Variants in CACNA2D1 observed in about 807,000 individuals in gnomAD.
The protein encoded by CACNA2D1 is voltage-dependent calcium channel subunit alpha-2/delta-1.
A neutral mutation model predicts 171.5 loss-of-function variants in CACNA2D1; 53 were observed. That is an observed-to-expected ratio of 0.31 (90% CI 0.25 to 0.39). CACNA2D1 has a LOEUF of 0.39. Ranked by LOEUF, CACNA2D1 falls within the 10% of genes least tolerant of loss-of-function variation. The pLI is 1.00. For missense variants in CACNA2D1, 903 were observed against 1,299.8 expected (o/e 0.69, Z 4.69); for synonymous variants, 442 against 443.1 (o/e 1.00, Z 0.03).
intron 4 of CACNA2D1, among the ~76,000 whole-genome samples, chr7:82,167,879 A>C (rs1349690590): frequency 6.6e-6 from 1 of 152,110 alleles, no homozygotes; most frequent in East Asian, 1.9e-4. Context: ...CATGGTGACC[A>C]CCATTTGCTA....
In CACNA2D1 at chr7:82,239,336, T is replaced by A. The variant is rs146802686; in HGVS notation, c.295-68727A>T. 7.2e-5 allele frequency among the ~76,000 whole-genome samples: 11 copies of A among 151,954 alleles called. 1 individual carries two copies. The East Asian group carries it at 2.1e-3, about 29-fold the overall frequency. ...TAAAAAAAAAAAAATCAAGCCTCTA[T>A]GAAGGCACCATAAGGAAATCAGAAT... On this transcript the variant is annotated intron_variant, in intron 3 of 38. Transcript: ENST00000356860.
In CACNA2D1 at chr7:81,974,504, A is replaced by G; in HGVS notation, c.2004T>C (p.Leu668=). The change falls in exon 25 of 39, where the codon CTT becomes CTC. Residue 668 remains leucine (L), a synonymous_variant. Coordinates refer to ENST00000356860, the MANE Select transcript of CACNA2D1 (RefSeq NM_000722.4). ...LKISDNNTEF[L]LNFNEFIDRK... is the part of the protein sequence containing the mutation. ...TATCAATAAACTCGTTGAAATTTAA[A>G]AGAAATTCAGTGTTATTATCCGATA... The G allele has an allele frequency of 6.3e-7, 1 of 1,579,104 alleles. No homozygotes were observed. Among genetic ancestry groups the G allele is most frequent in the Non-Finnish European group, 8.7e-7 (1 of 1,149,434 alleles).
chr7:82,298,473 T>C (rs1253216957), intron 3 of CACNA2D1, among the ~76,000 whole-genome samples: 4 of 152,204 alleles, frequency 2.6e-5, no homozygotes, highest in South Asian at 4.1e-4. Context: ...TTACTTAAAA[T>C]TGGTGACCAG....
chr7:82,060,205 A>G (rs1461203495), intron 10 of CACNA2D1, among the ~76,000 whole-genome samples: 1 of 30,808 alleles, frequency 3.2e-5, no homozygotes, highest in Non-Finnish European at 5.7e-5. Context: ...TATATATTAT[A>G]TATATAATAT....
At position 82,286,823 on chromosome 7, in the gene CACNA2D1, T is replaced by C. The variant is rs571630574; in HGVS notation, c.294+48312A>G. Among the ~76,000 whole-genome samples the C allele has an allele frequency of 1.6e-4, 24 of 152,328 alleles. No homozygotes were observed. In the South Asian group the frequency reaches 1.7e-3, roughly 11 times the overall value. On this transcript the variant is annotated intron_variant, in intron 3 of 38. Transcript: ENST00000356860. ...CTTTAGCCAAGTTACTTTGTCCCCA[T>C]GCCTATTTAAGTGTGTGGAGATTTT...
intron 3 of CACNA2D1, among the ~76,000 whole-genome samples, chr7:82,226,906 G>A (rs1011201652): frequency 2.0e-5 from 3 of 152,014 alleles, no homozygotes; most frequent in Non-Finnish European, 2.9e-5. Flanking sequence ...TAAAAGCTGG[G>A]GTAGAAGGCC....
intron 3 of CACNA2D1, among the ~76,000 whole-genome samples, chr7:82,176,028 G>A (rs1229555703): frequency 1.3e-5 from 2 of 151,944 alleles, no homozygotes; most frequent in Non-Finnish European, 2.9e-5. Flanking sequence ...AAAAGCATAT[G>A]CAATTCAGGG....
intron 3 of CACNA2D1, among the ~76,000 whole-genome samples, chr7:82,236,484 T>C (rs144189500): frequency 4.6e-5 from 7 of 152,214 alleles, no homozygotes; most frequent in African/African-American, 1.7e-4. Flanking sequence ...TTCAACAAGT[T>C]GCACTTGACA....
chr7:82,290,218 G>C (rs1811347977), intron 3 of CACNA2D1, among the ~76,000 whole-genome samples: 1 of 152,178 alleles, frequency 6.6e-6, no homozygotes, highest in Non-Finnish European at 1.5e-5. Flanking sequence ...CTAAAGGACA[G>C]AGGCAAGCAT....
At position 82,016,622 on chromosome 7, in the gene CACNA2D1, C is replaced by CAAA. The variant is rs774063245; in HGVS notation, c.1144-2146_1144-2144dup. Among the ~76,000 whole-genome samples the CAAA allele has an allele frequency of 1.4e-3, 161 of 112,520 alleles. 2 individuals carry two copies. Among genetic ancestry groups the CAAA allele is most frequent in the African/African-American group, 2.3e-3 (79 of 33,754 alleles). The allele number at this position is 112,520 out of a possible 152,430, so 73.8% of individuals were successfully genotyped here. The stretch of plus-strand genomic sequence containing the variant: ...ACACTAGCCGCCCGCCCCCCCCCCC[C>CAAA]AAAAAAAAAGCTTGTTGCTTTATTT... On this transcript the variant is annotated intron_variant, in intron 12 of 38. Coordinates refer to ENST00000356860, the MANE Select transcript of CACNA2D1 (RefSeq NM_000722.4).
chr7:81,966,571 T>G (rs1420932498), intron 31 of CACNA2D1, among the ~76,000 whole-genome samples: 9 of 151,292 alleles, frequency 5.9e-5, no homozygotes, highest in Non-Finnish European at 3.0e-5. Context: ...TCATTGTTAT[T>G]CAATTTTTAG....
chr7:82,412,476 T>A (rs1282964965), intron 1 of CACNA2D1, among the ~76,000 whole-genome samples: 1 of 151,764 alleles, frequency 6.6e-6, no homozygotes, highest in Non-Finnish European at 1.5e-5. Flanking sequence ...AGAGATGCGG[T>A]TTCAGCATGC....
In CACNA2D1 at chr7:82,349,505, A is replaced by G; in HGVS notation, c.177+63T>C. On this transcript the variant is annotated intron_variant, in intron 2 of 38. Coordinates refer to ENST00000356860, the MANE Select transcript of CACNA2D1 (RefSeq NM_000722.4). ...GTAATATAGAGACACAGTTTCCTAG[A>G]AGATAGAACTGCATTCGAATTAATG... is the stretch of plus-strand genomic sequence containing the variant. 2.4e-6 allele frequency: 3 copies of G among 1,246,240 alleles called. No individual in the cohort carries two copies. In the South Asian group the frequency reaches 3.6e-5, roughly 15 times the overall value. The allele number at this position is 1,246,240 out of a possible 1,614,324, so 77.2% of individuals were successfully genotyped here. A position where few individuals can be genotyped will look rare whatever the true frequency, so the allele number is the denominator to read the frequency against.
At chr7:82,380,368 A>T (rs957553214) in intron 1 of CACNA2D1, among the ~76,000 whole-genome samples, 49 of 152,164 alleles carry the variant, frequency 3.2e-4, no homozygotes, top group Admixed American at 2.2e-3. Flanking sequence ...AGAGGAAAAA[A>T]TCCTATGATT....
intron 3 of CACNA2D1, among the ~76,000 whole-genome samples, chr7:82,304,515 T>C (rs1813464677): frequency 6.6e-6 from 1 of 152,012 alleles, no homozygotes; most frequent in Non-Finnish European, 1.5e-5. Flanking sequence ...GGAATACTAT[T>C]GGGCCACAAA....
At chr7:82,114,297 T>A (rs902225811) in intron 6 of CACNA2D1, among the ~76,000 whole-genome samples, 3 of 152,182 alleles carry the variant, frequency 2.0e-5, no homozygotes, top group African/African-American at 7.2e-5. Context: ...TTCAACTCAG[T>A]AAAGGAAGCA....
intron 6 of CACNA2D1, among the ~76,000 whole-genome samples, chr7:82,115,880 C>G (rs373441029): frequency 1.2e-4 from 18 of 152,176 alleles, no homozygotes; most frequent in African/African-American, 4.1e-4. Flanking sequence ...AATTTAAATA[C>G]ATTAAACTTG....
intron 6 of CACNA2D1, among the ~76,000 whole-genome samples, chr7:82,110,071 G>A (rs1329110145): frequency 6.6e-6 from 1 of 152,120 alleles, no homozygotes; most frequent in Non-Finnish European, 1.5e-5. Flanking sequence ...CATACCTCCT[G>A]TTCTTATACC....
chr7:82,116,588 G>A (rs1460084827), intron 6 of CACNA2D1, among the ~76,000 whole-genome samples: 1 of 151,982 alleles, frequency 6.6e-6, no homozygotes, highest in Admixed American at 6.6e-5. Context: ...AGACCGGGAG[G>A]GAAAAAGAGA....
Sources: allele counts gnomAD v4.1 joint callset (sites outside exome capture counted in the v4.1 genomes callset), GRCh38; gene constraint gnomAD v4.1.1; transcripts MANE v1.5; gene names NCBI Gene and HGNC (gene_info 2026-07-23, HGNC 2026-07-21).